ATP5F1C: variants seen among roughly 807,000 people sequenced by gnomAD.
ATP5F1C encodes the protein ATP synthase F1 subunit gamma, also known as ATP synthase F(1) complex subunit gamma, mitochondrial.
In ATP5F1C, 22 loss-of-function variants were observed where a neutral mutation model predicts 37.4. The ratio of observed to expected loss-of-function variants is 0.59; its 90% CI spans 0.42 to 0.84. ATP5F1C has a LOEUF of 0.84. ATP5F1C is among the 40% of genes least tolerant of loss of function. ATP5F1C has a pLI of 0.00. For missense variants in ATP5F1C, 286 were observed against 362.4 expected, an observed-to-expected ratio of 0.79 and a Z score of 1.71; for synonymous variants, 121 against 128.0, an observed-to-expected ratio of 0.95 and a Z score of 0.37.
rs371656914 is a variant in ATP5F1C at position 7,807,612 on chromosome 10, A to G, written c.*31-47A>G. On this transcript the variant is annotated intron_variant, in intron 9 of 9. Transcript: ENST00000356708. ...TATTATCTCTTGACATTATTTTCCC[A>G]AAAAATGCTGTTTGATTTCTTACTT... 369 of 1,587,618 alleles carry G rather than the reference A, an allele frequency of 2.3e-4. No homozygotes were observed. The African/African-American group carries it at 4.6e-3, about 20-fold the overall frequency.
chr10:7,805,940 G>A (rs1030898897), intron 8 of ATP5F1C, among the ~76,000 whole-genome samples: 2 of 152,062 alleles, frequency 1.3e-5, no homozygotes, highest in African/African-American at 4.8e-5. Context: ...GAAAAAATTA[G>A]CCAGGCCTGG....
rs118039087 is a variant in ATP5F1C at position 7,800,946 on chromosome 10, A to G, written c.637+855A>G. The stretch of plus-strand genomic sequence containing the variant: ...TAGATTTTTTTGTCCTCAAGGATTG[A>G]AGAGCGTAGCTAGAAACTGGCTTTG... On this transcript the variant is annotated intron_variant, in intron 6 of 9. Coordinates refer to ENST00000356708, the MANE Select transcript of ATP5F1C (RefSeq NM_001001973.3). Among the ~76,000 whole-genome samples, 42 of 152,374 alleles carry G rather than the reference A, an allele frequency of 2.8e-4. No homozygotes were observed. In the East Asian group the frequency reaches 7.1e-3, roughly 26 times the overall value.
At chr10:7,798,913 A>G (rs1352631446) in intron 3 of ATP5F1C, 77 bp from the exon 4 acceptor site, 1 of 1,385,634 alleles carries the variant, frequency 7.2e-7, no homozygotes, top group Non-Finnish European at 1.0e-6. Flanking sequence ...GAAATAACCA[A>G]CTGCTTTGTA....
At chr10:7,791,072 C>T (rs1030811195) in intron 1 of ATP5F1C, among the ~76,000 whole-genome samples, 10 of 152,020 alleles carry the variant, frequency 6.6e-5, no homozygotes, top group Admixed American at 3.9e-4. Context: ...GAGGCCGAGG[C>T]GGGCGGATCA....
At chr10:7,806,098 G>A (rs1036013022) in intron 8 of ATP5F1C, among the ~76,000 whole-genome samples, 2 of 152,168 alleles carry the variant, frequency 1.3e-5, no homozygotes, top group Non-Finnish European at 2.9e-5. Flanking sequence ...TGGAAATTGA[G>A]TATTAAGTTT....
chr10:7,800,369 G>A (rs1249414748), intron 6 of ATP5F1C, among the ~76,000 whole-genome samples: 1 of 150,440 alleles, frequency 6.6e-6, no homozygotes, highest in Non-Finnish European at 1.5e-5. Flanking sequence ...CTAATTTTTT[G>A]TATTTTTAGT....
At position 7,796,135 on chromosome 10, in the gene ATP5F1C, A is replaced by C. The variant is rs1395500090; in HGVS notation, c.71A>C (p.Asn24Thr). Residue 24 changes from asparagine to threonine, a missense_variant, in exon 2 of 10, where the codon AAT (asparagine) becomes ACT (threonine). Physicochemically the swap from Asn to Thr is moderately conservative, Grantham distance 65. Coordinates refer to ENST00000356708, the MANE Select transcript of ATP5F1C (RefSeq NM_001001973.3). ...TTTATCCTCAGGATTCAAGTTCGAA[A>C]TATGGCAACTTTGAAAGATAGTAAG... Reference protein sequence around the residue: ...TLQPQWIQVRNMATLKDITRR... With the variant: ...TLQPQWIQVRTMATLKDITRR... 1.3e-6 allele frequency: 2 copies of C among 1,589,576 alleles called. No individual in the cohort carries two copies.
chr10:7,798,563 C>T (rs190128128), intron 3 of ATP5F1C, among the ~76,000 whole-genome samples: 1,928 of 152,300 alleles, frequency 0.013, 38 homozygotes, highest in African/African-American at 0.043. Flanking sequence ...CCCGCCACCA[C>T]GCCTGGCTAA....
rs746168379 is a variant in ATP5F1C, at chr10:7,799,845, G to A, written c.502G>A (p.Val168Ile). Residue 168 changes from valine to isoleucine, a missense_variant, in exon 5 of 10, where the codon GTC becomes ATC. Val to Ile is a conservative substitution (Grantham distance 29). Coordinates refer to ENST00000356708, the MANE Select transcript of ATP5F1C (RefSeq NM_001001973.3). ...RKPPTFGDAS[V>I]IALELLNSGY... ...GCCCCCCACTTTTGGAGATGCGTCA[G>A]TCATTGCCCTTGAATTACTAAATTC... The A allele has an allele frequency of 1.9e-6, 3 of 1,614,120 alleles. No individual in the cohort carries two copies. The East Asian group carries it at 6.7e-5, about 36-fold the overall frequency.
intron 4 of ATP5F1C, 54 bp from the exon 5 acceptor site, chr10:7,799,718 C>T: frequency 6.3e-7 from 1 of 1,597,588 alleles, no homozygotes; most frequent in Non-Finnish European, 8.5e-7. Context: ...CCCCTGTGCT[C>T]TTTCAGCAGA....
In ATP5F1C at chr10:7,788,345, C is replaced by T; in HGVS notation, c.56+82C>T. 3.2e-6 allele frequency: 5 copies of T among 1,557,686 alleles called. No homozygotes were observed. The South Asian group carries it at 4.6e-5, about 14-fold the overall frequency. The stretch of plus-strand genomic sequence containing the variant: ...CGGGGCAGGGAGGAGGAGATGGGCG[C>T]GGGGGCAGATGTGGGGTCGCAGGGC... On this transcript the variant is annotated intron_variant, in intron 1 of 9. Transcript: ENST00000356708.
rs141223744 is a variant in ATP5F1C at position 7,798,258 on chromosome 10, A to G, written c.224-732A>G. Among the ~76,000 whole-genome samples the G allele has an allele frequency of 1.0e-4, 15 of 150,648 alleles. No individual in the cohort carries two copies. The East Asian group carries it at 2.7e-3, about 27-fold the overall frequency. On this transcript the variant is annotated intron_variant, in intron 3 of 9. Transcript: ENST00000356708. ...TTTTCTTTTTGTGTTTTTTTTTGAG[A>G]TGGAGTCTCATTCTGTTGCCCAGGC... is the stretch of plus-strand genomic sequence containing the variant.
intron 1 of ATP5F1C, among the ~76,000 whole-genome samples, chr10:7,788,984 C>G (rs894161397): frequency 6.6e-6 from 1 of 151,838 alleles, no homozygotes; most frequent in Non-Finnish European, 1.5e-5. Context: ...GGGAGGAGTT[C>G]GGTGGGCTTT....
At chr10:7,800,555 C>T (rs1332482614) in intron 6 of ATP5F1C, among the ~76,000 whole-genome samples, 1 of 149,646 alleles carries the variant, frequency 6.7e-6, no homozygotes, top group African/African-American at 2.5e-5. Context: ...AGTGCAATGG[C>T]ATGATCTCGG....
In ATP5F1C at chr10:7,806,953, T is replaced by G. The variant is rs374034694; in HGVS notation, c.891-21T>G. ...ACCTGCTTGTTTTGTGTTTGTCTTT[T>G]TCTTCTAATATAATAACCAGGGATT... On this transcript the variant is annotated intron_variant, in intron 8 of 9. Transcript: ENST00000356708. 7.5e-6 allele frequency: 12 copies of G among 1,605,528 alleles called. No individual in the cohort carries two copies. In the African/African-American group the frequency reaches 1.6e-4, roughly 21 times the overall value.
chr10:7,799,894 C>G lies in ATP5F1C; in HGVS notation c.551C>G (p.Ser184Cys), dbSNP rs772404088. 23 of 1,613,670 alleles carry G rather than the reference C, an allele frequency of 1.4e-5. No homozygotes were observed. Among genetic ancestry groups the G allele is most frequent in the Non-Finnish European group, 1.9e-5 (23 of 1,179,934 alleles). ...TCTGGATATGAATTTGATGAAGGCT[C>G]CATCATCTTTAATAAATTCAGGCAA... ...LNSGYEFDEG[S>C]IIFNKFRSVI... The change falls in exon 5 of 10, where the codon TCC becomes TGC. Residue 184 changes from serine (S) to cysteine (C), a missense_variant. Transcript: ENST00000356708.
chr10:7,790,146 C>T (rs1836140365), intron 1 of ATP5F1C, among the ~76,000 whole-genome samples: 1 of 152,228 alleles, frequency 6.6e-6, no homozygotes, highest in Admixed American at 6.5e-5. Context: ...ATTAAAACCA[C>T]TCCACAGAAT....
chr10:7,801,364 T>C (rs1341614464), intron 6 of ATP5F1C: 5 of 152,220 alleles, frequency 3.3e-5, no homozygotes, highest in Non-Finnish European at 1.5e-5. Flanking sequence ...TTTGATAATA[T>C]ATAGTACTGT....
intron 6 of ATP5F1C, among the ~76,000 whole-genome samples, chr10:7,801,348 T>C (rs1236747857): frequency 6.6e-6 from 1 of 152,222 alleles, no homozygotes; most frequent in Non-Finnish European, 1.5e-5. Flanking sequence ...TAATGAAATA[T>C]AGTATTTTGA....
Sources: allele counts gnomAD v4.1 joint callset (sites outside exome capture counted in the v4.1 genomes callset), GRCh38; gene constraint gnomAD v4.1.1; transcripts MANE v1.5; gene names NCBI Gene and HGNC (gene_info 2026-07-23, HGNC 2026-07-21).